The following PSD3 variants were observed in gnomAD, a reference collection of about 807,000 sequenced individuals.
The protein encoded by PSD3 is PH and SEC7 domain-containing protein 3.
In PSD3, 49 loss-of-function variants were observed where a neutral mutation model predicts 105.5. That is an observed-to-expected ratio of 0.46 (90% confidence interval 0.37 to 0.59). The LOEUF is 0.59. Ranked by LOEUF, PSD3 falls within the 20% of genes least tolerant of loss-of-function variation. The pLI, the probability that PSD3 is intolerant of heterozygous loss-of-function variation, is 0.00. For missense variants in PSD3, 1,561 were observed against 1,263.8 expected (o/e 1.24, Z -3.57); for synonymous variants, 557 against 457.8 (o/e 1.22, Z -2.77).
At chr8:18,540,049 G>A (rs1243369996) in intron 15 of PSD3, among the ~76,000 whole-genome samples, 2 of 152,112 alleles carry the variant, frequency 1.3e-5, no homozygotes, top group Non-Finnish European at 2.9e-5. Flanking sequence ...CCCATGAGAG[G>A]AATTATGGTT....
At chr8:18,708,317 G>C (rs997048303) in intron 9 of PSD3, among the ~76,000 whole-genome samples, 1 of 152,164 alleles carries the variant, frequency 6.6e-6, no homozygotes, top group African/African-American at 2.4e-5. Flanking sequence ...GGCCAAATAA[G>C]AGACTGTGGT....
rs1264606167 is a variant in PSD3 at position 18,575,212 on chromosome 8, G to A, written c.2555C>T (p.Ala852Val). The A allele has an allele frequency of 6.2e-7, 1 of 1,613,976 alleles. No homozygotes were observed. The highest frequency in any genetic ancestry group is 1.1e-5 in the South Asian group (1 of 91,070). The stretch of plus-strand genomic sequence containing the variant: ...CTTCTCATAGTCCGTGGCCTTGGAT[G>A]CCAATGCGTGGTGCACACTCACAGC... ...KNAVSVHHAL[A>V]SKATDYEKKP... Residue 852 changes from alanine to valine, a missense_variant, in exon 13 of 16, where the codon GCA becomes GTA. Physicochemically the swap from Ala to Val is moderately conservative, Grantham distance 64 (BLOSUM62 0). Coordinates refer to ENST00000327040, the MANE Select transcript of PSD3 (RefSeq NM_015310.4).
chr8:18,765,429 A>G lies in PSD3; in HGVS notation c.2172+20T>C. ...ACAGAAATACAAGCATACACTAAAA[A>G]CCAATAGTTCCATGCTTACTTTCAG... On this transcript the variant is annotated intron_variant, in intron 9 of 15. Transcript: ENST00000327040. 1.3e-6 allele frequency: 2 copies of G among 1,570,154 alleles called. No individual in the cohort carries two copies. Among genetic ancestry groups the G allele is most frequent in the Non-Finnish European group, 1.8e-6 (2 of 1,140,038 alleles).
intron 9 of PSD3, among the ~76,000 whole-genome samples, chr8:18,702,933 G>C (rs946678360): frequency 5.9e-5 from 9 of 152,042 alleles, no homozygotes; most frequent in Non-Finnish European, 8.8e-5. Flanking sequence ...CTCTTTATAA[G>C]AGGCATTTTA....
At chr8:18,743,022 T>G (rs1330905164) in intron 9 of PSD3, among the ~76,000 whole-genome samples, 3 of 152,184 alleles carry the variant, frequency 2.0e-5, no homozygotes. Flanking sequence ...TGCGATGCCT[T>G]TAGCTTTAGA....
chr8:18,698,288 A>T (rs1290169586), intron 9 of PSD3, among the ~76,000 whole-genome samples: 2 of 152,162 alleles, frequency 1.3e-5, no homozygotes, highest in Admixed American at 6.6e-5. Flanking sequence ...TTAATTTTTT[A>T]AAAAAATTTT....
intron 9 of PSD3, among the ~76,000 whole-genome samples, chr8:18,665,066 G>A (rs886913410): frequency 6.6e-6 from 1 of 152,216 alleles, no homozygotes; most frequent in Non-Finnish European, 1.5e-5. Context: ...TTTCATGCCT[G>A]CTAACACAAC....
upstream of PSD3, among the ~76,000 whole-genome samples, chr8:19,015,851 T>A (rs910613134): frequency 6.6e-6 from 1 of 152,242 alleles, no homozygotes; most frequent in African/African-American, 2.4e-5. Flanking sequence ...TGTTTCCAAT[T>A]TCCATCGCAA....
intron 9 of PSD3, among the ~76,000 whole-genome samples, chr8:18,665,231 T>C (rs1563155009): frequency 6.6e-6 from 1 of 152,230 alleles, no homozygotes; most frequent in African/African-American, 2.4e-5. Context: ...ATTCACCATT[T>C]TGGATGTCTT....
chr8:18,823,719 AT>A (rs1803838682), intron 4 of PSD3, among the ~76,000 whole-genome samples: 1 of 151,804 alleles, frequency 6.6e-6, no homozygotes, highest in African/African-American at 2.4e-5. Flanking sequence ...TTTTGGGAAA[AT>A]GAGGACACCA....
intron 1 of PSD3, among the ~76,000 whole-genome samples, chr8:19,063,329 C>G (rs1415190272): frequency 6.6e-6 from 1 of 152,192 alleles, no homozygotes; most frequent in Admixed American, 6.5e-5. Context: ...TTGTTAAAAT[C>G]ATCTTTTGAA....
rs767623717 is a variant in PSD3 at position 18,867,839 on chromosome 8, C to G, written c.1469G>C (p.Gly490Ala). Residue 490 changes from glycine (G) to alanine (A), a missense_variant, in exon 4 of 16, where the codon GGT becomes GCT. Coordinates refer to ENST00000327040, the MANE Select transcript of PSD3 (RefSeq NM_015310.4). ...CCCTGATGTCCTCTCCAAGAACTGA[C>G]CACCTTCTTTAATGCGCTGTTGTAT... is the stretch of plus-strand genomic sequence containing the variant. ...PMIQQRIKEG[G>A]QFLERTSGGG... The G allele has an allele frequency of 1.2e-6, 2 of 1,614,020 alleles. No homozygotes were observed. The highest frequency in any genetic ancestry group is 1.7e-6 in the Non-Finnish European group (2 of 1,180,030).
chr8:18,542,713 G>A (rs772486120), intron 15 of PSD3, among the ~76,000 whole-genome samples: 1 of 152,162 alleles, frequency 6.6e-6, no homozygotes, highest in African/African-American at 2.4e-5. Context: ...TGTTGACAAT[G>A]CCTCTAACTA....
At chr8:18,776,220 G>A (rs1486122891) in intron 8 of PSD3, among the ~76,000 whole-genome samples, 1 of 148,472 alleles carries the variant, frequency 6.7e-6, no homozygotes, top group African/African-American at 2.5e-5. Context: ...TTCCATGCCA[G>A]TACCATACTA....
At chr8:18,781,635 C>G (rs1354477086) in intron 8 of PSD3, among the ~76,000 whole-genome samples, 1 of 152,100 alleles carries the variant, frequency 6.6e-6, no homozygotes, top group African/African-American at 2.4e-5. Context: ...TTAGAATTCT[C>G]TTTTTCTTGG....
intron 1 of PSD3, among the ~76,000 whole-genome samples, chr8:19,045,478 G>A (rs1828284650): frequency 6.6e-6 from 1 of 152,126 alleles, no homozygotes; most frequent in Non-Finnish European, 1.5e-5. Flanking sequence ...TTCTTTCCTG[G>A]ACAAACAATA....
intron 2 of PSD3, among the ~76,000 whole-genome samples, chr8:18,908,930 C>T (rs1283226081): frequency 6.6e-6 from 1 of 152,112 alleles, no homozygotes; most frequent in Non-Finnish European, 1.5e-5. Context: ...TCTAGGAAAC[C>T]TGCAGCCACA....
chr8:18,664,755 C>G (rs1444543410), intron 9 of PSD3, among the ~76,000 whole-genome samples: 2 of 152,320 alleles, frequency 1.3e-5, no homozygotes, highest in Admixed American at 1.3e-4. Context: ...CTTCAAAAGT[C>G]AGGCTGACTC....
intron 11 of PSD3, 140 bp downstream of exon 11, chr8:18,632,473 T>A: frequency 1.1e-6 from 1 of 887,184 alleles, no homozygotes; most frequent in African/African-American, 1.7e-5. Flanking sequence ...AATTTAGGGT[T>A]AGAGGCTTTA....
Sources: allele counts gnomAD v4.1 joint callset (sites outside exome capture counted in the v4.1 genomes callset), GRCh38; gene constraint gnomAD v4.1.1; transcripts MANE v1.5; gene names NCBI Gene and HGNC (gene_info 2026-07-23, HGNC 2026-07-21).